Variants in PTPRK observed in about 807,000 individuals in gnomAD.
PTPRK encodes protein tyrosine phosphatase receptor type K, also known as receptor-type tyrosine-protein phosphatase kappa.
Under a neutral mutation model 178.0 loss-of-function variants are expected in PTPRK, and 75 were observed. The ratio of observed to expected loss-of-function variants is 0.42; its 90% CI spans 0.35 to 0.51. The LOEUF is 0.51. PTPRK is among the 20% of genes least tolerant of loss of function. PTPRK has a pLI of 0.02. For synonymous variants in PTPRK, 637 were observed against 620.6 expected (o/e 1.03, Z -0.39); for missense variants, 1,441 against 1,797.8 (o/e 0.80, Z 3.59).
At chr6:128,369,588 G>T (rs1209645081) in intron 2 of PTPRK, among the ~76,000 whole-genome samples, 1 of 152,048 alleles carries the variant, frequency 6.6e-6, no homozygotes. Context: ...ATTATATTTA[G>T]TAGGTTAAAT....
intron 10 of PTPRK, 119 bp from the exon 11 acceptor site, chr6:128,079,037 T>TAG: frequency 1.8e-6 from 1 of 557,666 alleles, no homozygotes; most frequent in Non-Finnish European, 3.2e-6. Flanking sequence ...ATCTACAACG[T>TAG]ATTTTGTTTT....
intron 13 of PTPRK, 65 bp from the exon 14 acceptor site, chr6:128,009,333 C>T (rs1243555842): frequency 1.4e-6 from 2 of 1,440,168 alleles, no homozygotes; most frequent in Non-Finnish European, 1.9e-6. Flanking sequence ...AAAATTATTC[C>T]CAGTAATTAC....
intron 3 of PTPRK, among the ~76,000 whole-genome samples, chr6:128,244,529 G>A (rs1815105122): frequency 6.6e-6 from 1 of 152,184 alleles, no homozygotes; most frequent in African/African-American, 2.4e-5. Flanking sequence ...CTAATAAAAG[G>A]ATTAGGAAAG....
intron 13 of PTPRK, among the ~76,000 whole-genome samples, chr6:128,052,229 C>T (rs1779135461): frequency 1.3e-5 from 2 of 152,136 alleles, no homozygotes; most frequent in Non-Finnish European, 2.9e-5. Flanking sequence ...GCCCTGATGC[C>T]TCCATTATCC....
At chr6:128,212,588 T>C (rs1808407669) in intron 6 of PTPRK, among the ~76,000 whole-genome samples, 1 of 152,044 alleles carries the variant, frequency 6.6e-6, no homozygotes, top group African/African-American at 2.4e-5. Flanking sequence ...GTCAACAATC[T>C]GAAATAAAAT....
intron 7 of PTPRK, among the ~76,000 whole-genome samples, chr6:128,142,557 T>C (rs924256212): frequency 4.6e-5 from 7 of 151,458 alleles, no homozygotes; most frequent in African/African-American, 1.7e-4. Context: ...ACATAATATA[T>C]ATATACACAC....
chr6:128,094,868 G>C (rs989860134), intron 7 of PTPRK, among the ~76,000 whole-genome samples: 2 of 151,886 alleles, frequency 1.3e-5, no homozygotes, highest in Admixed American at 6.6e-5. Context: ...AAAGAGAGAA[G>C]AAGAAAAAGG....
chr6:128,084,534 T>C (rs779175973), intron 8 of PTPRK, among the ~76,000 whole-genome samples: 6 of 152,170 alleles, frequency 3.9e-5, no homozygotes, highest in Non-Finnish European at 8.8e-5. Flanking sequence ...AACTCAACGA[T>C]CTGCACAACT....
chr6:128,067,011 C>A lies in PTPRK; in HGVS notation c.2157+508G>T, dbSNP rs1270613989. On this transcript the variant is annotated intron_variant, in intron 12 of 29. Coordinates refer to ENST00000368226, the MANE Select transcript of PTPRK (RefSeq NM_002844.4). Reference sequence around the variant, plus strand: ...TTTTGTTTAGGTTCAGTCAGATATACCACAGGCGCCCTATTACTTTGTAAT... The same window carrying A: ...TTTTGTTTAGGTTCAGTCAGATATAACACAGGCGCCCTATTACTTTGTAAT... 2.6e-5 allele frequency among the ~76,000 whole-genome samples: 4 copies of A among 152,148 alleles called. No homozygotes were observed. The East Asian group carries it at 7.7e-4, about 29-fold the overall frequency.
At chr6:128,330,479 T>C (rs1221321334) in intron 2 of PTPRK, among the ~76,000 whole-genome samples, 1 of 152,090 alleles carries the variant, frequency 6.6e-6, no homozygotes. Context: ...TTCCCCTTCC[T>C]TCACTTTCCT....
intron 15 of PTPRK, chr6:128,004,833 G>A (rs748168329): frequency 1.3e-5 from 5 of 390,884 alleles, no homozygotes; most frequent in Non-Finnish European, 2.3e-5. Context: ...TGGACTGAGT[G>A]GTATATGTTT....
chr6:128,245,310 A>C (rs1289057892), intron 3 of PTPRK, among the ~76,000 whole-genome samples: 1 of 152,216 alleles, frequency 6.6e-6, no homozygotes, highest in African/African-American at 2.4e-5. Flanking sequence ...TTTAGAGTTT[A>C]AATTTCCTTT....
chr6:128,444,807 G>T (rs530673587), intron 1 of PTPRK, among the ~76,000 whole-genome samples: 2 of 152,174 alleles, frequency 1.3e-5, no homozygotes, highest in Non-Finnish European at 2.9e-5. Context: ...TCCATTCAAA[G>T]AACAACAGAT....
intron 1 of PTPRK, among the ~76,000 whole-genome samples, chr6:128,508,427 T>C (rs1197264501): frequency 6.6e-6 from 1 of 150,684 alleles, no homozygotes; most frequent in African/African-American, 2.4e-5. Flanking sequence ...TTCTAGCTTA[T>C]CACGAAAATT....
In PTPRK at chr6:128,095,095, TA is replaced by T. The variant is rs369436620; in HGVS notation, c.1163-5104del. On this transcript the variant is annotated intron_variant, in intron 7 of 29. Coordinates refer to ENST00000368226, the MANE Select transcript of PTPRK (RefSeq NM_002844.4). ...TCTAGTGTCTGCCCCATTTTTCAGA[TA>T]AAAAAAAAAAGAATTGAATGAAAGA... 8.8e-4 allele frequency among the ~76,000 whole-genome samples: 118 copies of T among 134,178 alleles called. 1 individual carries two copies. The highest frequency in any genetic ancestry group is 1.1e-3 in the South Asian group (5 of 4,358). 88.0% of individuals were successfully genotyped at this position (134,178 alleles called of 152,430 possible). A position where few individuals can be genotyped will look rare whatever the true frequency, so the allele number is the denominator to read the frequency against.
rs543739155 is a variant in PTPRK at position 127,985,002 on chromosome 6, C to T, written c.3251+719G>A. ...GAAAGCAAAAAATGCTTAGGTACAA[C>T]CTATTATGTAGCTTGGAGGGAAGAG... On this transcript the variant is annotated intron_variant, in intron 22 of 29. Coordinates refer to ENST00000368226, the MANE Select transcript of PTPRK (RefSeq NM_002844.4). 1.0e-3 allele frequency among the ~76,000 whole-genome samples: 158 copies of T among 152,178 alleles called. 1 individual carries two copies. The highest frequency in any genetic ancestry group is 3.6e-3 in the African/African-American group (150 of 41,530).
Position 128,004,987 on chromosome 6 carries a change from C to T in PTPRK, c.2494+97G>A, listed in dbSNP as rs1583603499. Reference sequence around the variant, plus strand: ...TTCTTTCTAGCTGCTTCTCCCCTCACTTTCCTACTCTCTCTCATTACTCAA... The same window carrying T: ...TTCTTTCTAGCTGCTTCTCCCCTCATTTTCCTACTCTCTCTCATTACTCAA... On this transcript the variant is annotated intron_variant, in intron 15 of 29. Coordinates refer to ENST00000368226, the MANE Select transcript of PTPRK (RefSeq NM_002844.4). 1.4e-5 allele frequency: 15 copies of T among 1,064,882 alleles called. No homozygotes were observed. The East Asian group carries it at 3.8e-4, about 27-fold the overall frequency. 66.0% of individuals were successfully genotyped at this position (1,064,882 alleles called of 1,614,324 possible).
chr6:128,171,850 C>T (rs923998426), intron 7 of PTPRK, among the ~76,000 whole-genome samples: 1 of 151,880 alleles, frequency 6.6e-6, no homozygotes, highest in African/African-American at 2.4e-5. Context: ...TTTATTATTA[C>T]AAGTATATGT....
At chr6:128,076,950 T>C (rs970845604) in intron 11 of PTPRK, among the ~76,000 whole-genome samples, 2 of 151,970 alleles carry the variant, frequency 1.3e-5, no homozygotes, top group African/African-American at 4.8e-5. Flanking sequence ...GCATAATAAA[T>C]GATCAATCAA....
Sources: gnomAD v4.1 joint callset for allele counts (sites outside exome capture counted in the v4.1 genomes callset) on GRCh38, gnomAD v4.1.1 for gene constraint, MANE v1.5 for transcripts, NCBI Gene and HGNC (gene_info 2026-07-23, HGNC 2026-07-21) for gene names.